SUCNR1: variants seen among roughly 807,000 people sequenced by gnomAD.
SUCNR1 encodes succinate receptor 1.
In SUCNR1, 5 loss-of-function variants were observed where a neutral mutation model predicts 2.4. The ratio of observed to expected loss-of-function variants is 2.07; its 90% CI spans 1.08 to 4.36. SUCNR1 has a LOEUF of 4.36. Among genes scored for constraint, SUCNR1 ranks in the 30% most tolerant of loss-of-function variants. The probability of loss-of-function intolerance (pLI) is 0.00; values close to 1 mark genes in which losing one functional copy is unlikely to be tolerated. For missense variants in SUCNR1, 373 were observed against 399.2 expected (o/e 0.93, Z 0.56); for synonymous variants, 162 against 143.9 (o/e 1.13, Z -0.90).
rs1384852069 is a variant in SUCNR1 at position 151,880,858 on chromosome 3, C to CATT, written c.315_316insATT (p.Asn105_Leu106insIle). The CATT allele has an allele frequency of 1.2e-6, 2 of 1,614,036 alleles. No individual in the cohort carries two copies. The highest frequency in any genetic ancestry group is 2.2e-5 in the South Asian group (2 of 91,082). ...GCAACCGATATGTGCTTCATGCCAA[C>CATT]CTCTATACCAGCATTCTCTTTCTCA... On this transcript the variant is annotated inframe_insertion, in exon 3 of 3. Transcript: ENST00000362032.
intron 2 of SUCNR1, among the ~76,000 whole-genome samples, 165 bp downstream of exon 2, chr3:151,880,072 A>G (rs183915626): frequency 1.9e-4 from 29 of 152,134 alleles, no homozygotes; most frequent in Admixed American, 1.8e-3. Flanking sequence ...GCAAATATAG[A>G]TATGTCTCTT....
rs550521164 is a variant in SUCNR1, at chr3:151,880,598, G to T, written c.55G>T (p.Ala19Ser). The T allele has an allele frequency of 9.3e-6, 15 of 1,611,932 alleles. No individual in the cohort carries two copies. The East Asian group carries it at 2.5e-4, about 26-fold the overall frequency. ...ATCKNWLAAE[A>S]ALEKYYLSIF... Reference sequence around the variant, plus strand: ...TTGCAAAAACTGGCTGGCAGCAGAGGCTGCCCTGGAAAAGTACTACCTTTC... The same window carrying T: ...TTGCAAAAACTGGCTGGCAGCAGAGTCTGCCCTGGAAAAGTACTACCTTTC... Residue 19 changes from alanine to serine, a missense_variant, in exon 3 of 3, where the codon GCT becomes TCT. Transcript: ENST00000362032.
In SUCNR1 at chr3:151,880,983, G is replaced by C. The variant is rs1718077962; in HGVS notation, c.440G>C (p.Trp147Ser). The change falls in exon 3 of 3, where the codon TGG (tryptophan) becomes TCG (serine). Residue 147 changes from tryptophan to serine, a missense_variant. Trp to Ser is a radical substitution (Grantham distance 177). Around this residue, in one of 3 missense-constraint regions of SUCNR1, gnomAD observed 32 missense variants for 58.3 expected, o/e 0.55. Transcript: ENST00000362032. The stretch of plus-strand genomic sequence containing the variant: ...GCTATTTTAATCTCCTTGGCCATTT[G>C]GGTTTTAGTAACCTTAGAGTTACTA... ...EFAILISLAIWVLVTLELLPI... is the reference protein window; with the variant it reads ...EFAILISLAISVLVTLELLPI... The C allele has an allele frequency of 1.9e-6, 3 of 1,613,970 alleles. No homozygotes were observed. The highest frequency in any genetic ancestry group is 2.5e-6 in the Non-Finnish European group (3 of 1,179,982).
intron 1 of SUCNR1, among the ~76,000 whole-genome samples, chr3:151,879,466 G>A (rs1004098041): frequency 1.3e-5 from 2 of 152,096 alleles, no homozygotes; most frequent in Non-Finnish European, 2.9e-5. Flanking sequence ...GAAGATTAAC[G>A]GAGCTGCCTT....
intron 1 of SUCNR1, among the ~76,000 whole-genome samples, chr3:151,875,600 A>G (rs1717902041): frequency 6.6e-6 from 1 of 152,126 alleles, no homozygotes; most frequent in South Asian, 2.1e-4. Flanking sequence ...ATTAAAATGT[A>G]AAAGGGTACC....
chr3:151,881,380 G>C lies in SUCNR1; in HGVS notation c.837G>C (p.Val279=). The C allele has an allele frequency of 6.2e-6, 10 of 1,614,172 alleles. No individual in the cohort carries two copies. Among genetic ancestry groups the C allele is most frequent in the Non-Finnish European group, 8.5e-6 (10 of 1,180,034 alleles). The change falls in exon 3 of 3, where the codon GTG becomes GTC. Residue 279 remains valine (V), a synonymous_variant. Coordinates refer to ENST00000362032, the MANE Select transcript of SUCNR1 (RefSeq NM_033050.6). ...TCGTCATCAACTCCTTTTACATTGT[G>C]ACACGGCCTTTGGCCTTTCTGAACA... ...TQVVINSFYI[V]TRPLAFLNSV... is the part of the protein sequence containing the mutation.
At position 151,880,769 on chromosome 3, in the gene SUCNR1, C is replaced by T. The variant is rs769017257; in HGVS notation, c.226C>T (p.Leu76Phe). The T allele has an allele frequency of 2.5e-6, 4 of 1,613,966 alleles. No homozygotes were observed. In the East Asian group the frequency reaches 8.9e-5, roughly 36 times the overall value. Residue 76 changes from leucine (L) to phenylalanine (F), a missense_variant, in exon 3 of 3, where the codon CTC becomes TTC. Transcript: ENST00000362032. ...CTCTGACTTAGCTTTTCTGTGCACCCTCCCCATGCTGATAAGGAGTTATGC... is the reference window on the plus strand; with the variant it reads ...CTCTGACTTAGCTTTTCTGTGCACCTTCCCCATGCTGATAAGGAGTTATGC... ...SVSDLAFLCT[L>F]PMLIRSYANG...
At position 151,881,346 on chromosome 3, in the gene SUCNR1, G is replaced by A. The variant is rs1445937677; in HGVS notation, c.803G>A (p.Cys268Tyr). ...SRLGSWKQYQ[C>Y]TQVVINSFYI... is the part of the protein sequence containing the mutation. ...CTGGGGAGTTGGAAGCAGTATCAGT[G>A]CACTCAGGTCGTCATCAACTCCTTT... Residue 268 changes from cysteine (C) to tyrosine (Y), a missense_variant, in exon 3 of 3, where the codon TGC becomes TAC. By Grantham distance (194) the Cys-to-Tyr change is radical (BLOSUM62 -2). Coordinates refer to ENST00000362032, the MANE Select transcript of SUCNR1 (RefSeq NM_033050.6). The A allele has an allele frequency of 1.9e-6, 3 of 1,614,176 alleles. No individual in the cohort carries two copies. Among genetic ancestry groups the A allele is most frequent in the Non-Finnish European group, 2.5e-6 (3 of 1,180,022 alleles).
At chr3:151,876,858 T>C (rs1717937819) in intron 1 of SUCNR1, among the ~76,000 whole-genome samples, 1 of 152,178 alleles carries the variant, frequency 6.6e-6, no homozygotes, top group Non-Finnish European at 1.5e-5. Context: ...CAGGTGTTCA[T>C]ATTCATCTCT....
At chr3:151,878,132 G>C (rs1001443378) in intron 1 of SUCNR1, among the ~76,000 whole-genome samples, 7 of 152,136 alleles carry the variant, frequency 4.6e-5, no homozygotes, top group Admixed American at 3.9e-4. Flanking sequence ...GGACTGGTAG[G>C]TCCGAAGCCA....
In SUCNR1 at chr3:151,881,121, T is replaced by C. The variant is rs774461928; in HGVS notation, c.578T>C (p.Leu193Pro). ...CTCATTTACAGCATGTGTCTAACAC[T>C]GTTGGGGTTCCTTATTCCTCTTTTT... ...YNLIYSMCLT[L>P]LGFLIPLFVM... is the part of the protein sequence containing the mutation. The change falls in exon 3 of 3, where the codon CTG becomes CCG. Residue 193 changes from leucine to proline, a missense_variant. This residue lies in a region of SUCNR1 where 157 missense variants were observed against 178.7 expected (regional missense o/e 0.88). Coordinates refer to ENST00000362032, the MANE Select transcript of SUCNR1 (RefSeq NM_033050.6). 2 of 1,614,134 alleles carry C rather than the reference T, an allele frequency of 1.2e-6. No individual in the cohort carries two copies. Among genetic ancestry groups the C allele is most frequent in the Non-Finnish European group, 8.5e-7 (1 of 1,180,010 alleles).
chr3:151,880,504 T>C (rs144435453), intron 2 of SUCNR1, 55 bp from the exon 3 acceptor site: 47 of 1,276,948 alleles, frequency 3.7e-5, no homozygotes, highest in Middle Eastern at 4.1e-4. Context: ...CTGCACAGTT[T>C]TGTCATTAGT....
rs1335606339 is a variant in SUCNR1 at position 151,882,454 on chromosome 3, A to G, written c.*906A>G. The G allele has an allele frequency of 6.6e-6, 1 of 152,194 alleles. No individual in the cohort carries two copies. The highest frequency in any genetic ancestry group is 1.5e-5 in the Non-Finnish European group (1 of 67,998). 9.4% of individuals were successfully genotyped at this position (152,194 alleles called of 1,614,324 possible). A position where few individuals can be genotyped will look rare whatever the true frequency, so the allele number is the denominator to read the frequency against. On this transcript the variant is annotated 3_prime_UTR_variant, in exon 3 of 3. Transcript: ENST00000362032. Reference sequence around the variant, plus strand: ...TTGATTTAATAGTGAACTTTAAAATATATTAATATCATAAACCAGCAAATA... The same window carrying G: ...TTGATTTAATAGTGAACTTTAAAATGTATTAATATCATAAACCAGCAAATA...
Position 151,880,870 on chromosome 3 carries a change from C to G in SUCNR1, c.327C>G (p.Ser109Arg). The change falls in exon 3 of 3, where the codon AGC (serine) becomes AGG (arginine). Residue 109 changes from serine (S) to arginine (R), a missense_variant. Around this residue, in one of 3 missense-constraint regions of SUCNR1, gnomAD observed 184 missense variants for 162.2 expected, o/e 1.13. Transcript: ENST00000362032. ...RYVLHANLYT[S>R]ILFLTFISID... ...TGCTTCATGCCAACCTCTATACCAG[C>G]ATTCTCTTTCTCACTTTTATCAGCA... The G allele has an allele frequency of 1.9e-6, 3 of 1,614,062 alleles. No individual in the cohort carries two copies. Among genetic ancestry groups the G allele is most frequent in the Non-Finnish European group, 2.5e-6 (3 of 1,179,962 alleles).
At chr3:151,880,407 C>CAT (rs149287057) in intron 2 of SUCNR1, 152 bp from the exon 3 acceptor site, 8,112 of 581,590 alleles carry the variant, frequency 0.014, 533 homozygotes, top group African/African-American at 0.14. Flanking sequence ...ACATTAATGA[C>CAT]ATATATATAT....
At position 151,880,677 on chromosome 3, in the gene SUCNR1, T is replaced by C. The variant is rs779014456; in HGVS notation, c.134T>C (p.Val45Ala). 9.3e-6 allele frequency: 15 copies of C among 1,614,040 alleles called. No homozygotes were observed. Among genetic ancestry groups the C allele is most frequent in the Non-Finnish European group, 5.9e-6 (7 of 1,180,002 alleles). ...VVGVLGNTIV[V>A]YGYIFSLKNW... is the part of the protein sequence containing the mutation. ...GGAGTCCTTGGAAATACCATTGTTGTTTACGGCTACATCTTCTCTCTGAAG... is the reference window on the plus strand; with the variant it reads ...GGAGTCCTTGGAAATACCATTGTTGCTTACGGCTACATCTTCTCTCTGAAG... Residue 45 changes from valine to alanine, a missense_variant, in exon 3 of 3, where the codon GTT becomes GCT. Val to Ala is a moderately conservative substitution (Grantham distance 64, BLOSUM62 0). Transcript: ENST00000362032.
Position 151,880,297 on chromosome 3 carries a change from G to C in SUCNR1, c.16-262G>C, listed in dbSNP as rs147913003. On this transcript the variant is annotated intron_variant, in intron 2 of 2. Coordinates refer to ENST00000362032, the MANE Select transcript of SUCNR1 (RefSeq NM_033050.6). ...CTTCCCAAGAGAGTATAAATTGTTA[G>C]AGATTAGGAACTTTGATTTATTCAC... 2.6e-3 allele frequency among the ~76,000 whole-genome samples: 398 copies of C among 152,256 alleles called. 1 individual carries two copies. Among genetic ancestry groups the C allele is most frequent in the African/African-American group, 9.2e-3 (384 of 41,560 alleles).
At position 151,881,863 on chromosome 3, in the gene SUCNR1, T is replaced by TA. The variant is rs369556138; in HGVS notation, c.*329dup. On this transcript the variant is annotated 3_prime_UTR_variant, in exon 3 of 3. Transcript: ENST00000362032. ...CTGCATTTGATCACTGGTCAGATTGTAAAAAAAAAAAAAATTGTTTTGGCA... is the reference window on the plus strand; with the variant it reads ...CTGCATTTGATCACTGGTCAGATTGTAAAAAAAAAAAAAAATTGTTTTGGCA... 0.067 allele frequency: 11,644 copies of TA among 172,650 alleles called. 309 individuals are homozygous for TA. Among genetic ancestry groups the TA allele is most frequent in the Non-Finnish European group, 0.076 (6,297 of 83,364 alleles). 10.7% of individuals were successfully genotyped at this position (172,650 alleles called of 1,614,324 possible). A position where few individuals can be genotyped will look rare whatever the true frequency, so the allele number is the denominator to read the frequency against.
In SUCNR1 at chr3:151,880,713, G is replaced by T; in HGVS notation, c.170G>T (p.Ser57Ile). Residue 57 changes from serine to isoleucine, a missense_variant, in exon 3 of 3, where the codon AGC becomes ATC. Coordinates refer to ENST00000362032, the MANE Select transcript of SUCNR1 (RefSeq NM_033050.6). ...ATCTTCTCTCTGAAGAACTGGAACA[G>T]CAGTAATATTTATCTCTTTAACCTC... is the stretch of plus-strand genomic sequence containing the variant. ...GYIFSLKNWN[S>I]SNIYLFNLSV... is the part of the protein sequence containing the mutation. The T allele has an allele frequency of 1.2e-6, 2 of 1,614,094 alleles. No homozygotes were observed. The highest frequency in any genetic ancestry group is 1.7e-6 in the Non-Finnish European group (2 of 1,179,978).
Sources: gnomAD v4.1 joint callset for allele counts (sites outside exome capture counted in the v4.1 genomes callset) on GRCh38, gnomAD v4.1.1 for gene constraint, gnomAD v4.1.1 regional missense constraint, MANE v1.5 for transcripts, NCBI Gene and HGNC (gene_info 2026-07-23, HGNC 2026-07-21) for gene names.